Variants in CCNE1 observed in about 807,000 individuals in gnomAD.
The protein encoded by CCNE1 is G1/S-specific cyclin-E1.
In CCNE1, 8 loss-of-function variants were observed where a neutral mutation model predicts 54.1. The ratio of observed to expected loss-of-function variants is 0.15; its 90% CI spans 0.09 to 0.27. The LOEUF (loss-of-function observed/expected upper bound fraction) is 0.27. CCNE1 is among the 10% of genes least tolerant of loss of function. The pLI, the probability that CCNE1 is intolerant of heterozygous loss-of-function variation, is 1.00. For missense variants in CCNE1, 430 were observed against 514.9 expected, an observed-to-expected ratio of 0.84 and a Z score of 1.60; for synonymous variants, 179 against 185.2, an observed-to-expected ratio of 0.97 and a Z score of 0.27.
intron 4 of CCNE1, chr19:29,813,415 C>A: frequency 5.1e-6 from 1 of 197,344 alleles, no homozygotes; most frequent in East Asian, 1.1e-4. Context: ...TCGGCCTTGT[C>A]TGTAAAAGCT....
chr19:29,820,048 T>G (rs190860540), intron 6 of CCNE1, among the ~76,000 whole-genome samples: 1 of 152,372 alleles, frequency 6.6e-6, no homozygotes, highest in Admixed American at 6.5e-5. Context: ...TCACTACTCT[T>G]GCCCTGTGGG....
Position 29,821,480 on chromosome 19 carries a change from A to G in CCNE1, c.610-242A>G, listed in dbSNP as rs376378387. 4.8e-4 allele frequency among the ~76,000 whole-genome samples: 73 copies of G among 150,902 alleles called. No individual in the cohort carries two copies. In the East Asian group the frequency reaches 0.011, roughly 23 times the overall value. On this transcript the variant is annotated intron_variant, in intron 7 of 11. Transcript: ENST00000262643. ...GTGTTAAAGGTACTGAAAAGGGGATATTTCAAGAGTACCCACAATGAGTCA... is the reference window on the plus strand; with the variant it reads ...GTGTTAAAGGTACTGAAAAGGGGATGTTTCAAGAGTACCCACAATGAGTCA...
At chr19:29,817,788 TAA>T (rs1423665355) in intron 6 of CCNE1, among the ~76,000 whole-genome samples, 1 of 152,094 alleles carries the variant, frequency 6.6e-6, no homozygotes, top group African/African-American at 2.4e-5. Context: ...AAATAATTGT[TAA>T]GATTGTATTT....
rs748371908 is a variant in CCNE1, at chr19:29,813,050, G to A, written c.180+13G>A. The A allele has an allele frequency of 1.1e-5, 17 of 1,613,540 alleles. No homozygotes were observed. The highest frequency in any genetic ancestry group is 5.0e-5 in the Admixed American group (3 of 60,000). ...GTGTGGGAGCCAGGTAGGTCCGCCC[G>A]GGGTTGGGCCTCTGTGGAGGTCCTT... On this transcript the variant is annotated intron_variant, in intron 4 of 11. Coordinates refer to ENST00000262643, the MANE Select transcript of CCNE1 (RefSeq NM_001238.4).
In CCNE1 at chr19:29,822,178, G is replaced by A. The variant is rs369862490; in HGVS notation, c.840+48G>A. On this transcript the variant is annotated intron_variant, in intron 9 of 11. Coordinates refer to ENST00000262643, the MANE Select transcript of CCNE1 (RefSeq NM_001238.4). ...TGGGGCCACCTTCCCTGCAGCTGGA[G>A]TGAGGAACTCTAGAATAGGCGTGTG... is the stretch of plus-strand genomic sequence containing the variant. 6 of 1,612,004 alleles carry A rather than the reference G, an allele frequency of 3.7e-6. No individual in the cohort carries two copies. In the African/African-American group the frequency reaches 6.7e-5, roughly 18 times the overall value.
chr19:29,816,438 C>A (rs1415133874), intron 4 of CCNE1, among the ~76,000 whole-genome samples: 1 of 152,170 alleles, frequency 6.6e-6, no homozygotes, highest in African/African-American at 2.4e-5. Context: ...AATTACCCTG[C>A]AAGACTCAGG....
rs780825454 is a variant in CCNE1, at chr19:29,823,765, G to A, written c.1221G>A (p.Pro407=). ...GCGGTAAGAAGCAGAGCAGCGGGCC[G>A]GAAATGGCGTGACCACCCCATCCTT... ...PQSGKKQSSG[P]EMA The change falls in exon 12 of 12, where the codon CCG becomes CCA. Residue 407 remains proline, a synonymous_variant. Transcript: ENST00000262643. The A allele has an allele frequency of 6.2e-6, 10 of 1,612,134 alleles. No homozygotes were observed. The highest frequency in any genetic ancestry group is 1.7e-4 in the Middle Eastern group (1 of 6,038).
At chr19:29,817,970 C>T (rs1222903616) in intron 6 of CCNE1, among the ~76,000 whole-genome samples, 1 of 141,518 alleles carries the variant, frequency 7.1e-6, no homozygotes, top group Non-Finnish European at 1.5e-5. Flanking sequence ...AAGTGACTTT[C>T]CTGGCCTCAG....
chr19:29,818,369 CCAGGCTGGT>C (rs1329473749), intron 6 of CCNE1, among the ~76,000 whole-genome samples: 1 of 152,126 alleles, frequency 6.6e-6, no homozygotes, highest in Non-Finnish European at 1.5e-5. Flanking sequence ...ACCATGTTGG[CCAGGCTGGT>C]CTTGAACTCC....
At position 29,823,667 on chromosome 19, in the gene CCNE1, G is replaced by T; in HGVS notation, c.1123G>T (p.Ala375Ser). The change falls in exon 12 of 12, where the codon GCA becomes TCA. Residue 375 changes from alanine to serine, a missense_variant. Physicochemically the swap from Ala to Ser is moderately conservative, Grantham distance 99 (BLOSUM62 1). Around this residue, in one of 2 missense-constraint regions of CCNE1, gnomAD observed 303 missense variants for 401.1 expected, o/e 0.76. Coordinates refer to ENST00000262643, the MANE Select transcript of CCNE1 (RefSeq NM_001238.4). ...DSLDLLDKAR[A>S]KKAMLSEQNR... is the part of the protein sequence containing the mutation. ...TTCTTACCAACAGGACAAAGCCCGA[G>T]CAAAGAAAGCCATGTTGTCTGAACA... 1.2e-6 allele frequency: 2 copies of T among 1,614,026 alleles called. No homozygotes were observed. The highest frequency in any genetic ancestry group is 1.7e-6 in the Non-Finnish European group (2 of 1,179,930).
chr19:29,817,613 C>T, intron 6 of CCNE1, 72 bp downstream of exon 6: 4 of 1,526,466 alleles, frequency 2.6e-6, no homozygotes, highest in Admixed American at 1.7e-5. Flanking sequence ...ATTAGGACCT[C>T]TGTGTGGTTT....
chr19:29,818,726 T>C (rs576782228), intron 6 of CCNE1, among the ~76,000 whole-genome samples: 7 of 151,862 alleles, frequency 4.6e-5, no homozygotes, highest in African/African-American at 7.2e-5. Flanking sequence ...GCCCAGGAGT[T>C]AGAGACTAGC....
chr19:29,814,912 GACTGTT>G (rs1311910544), intron 4 of CCNE1, among the ~76,000 whole-genome samples: 1 of 152,142 alleles, frequency 6.6e-6, no homozygotes, highest in Admixed American at 6.5e-5. Context: ...TGGAATCCTG[GACTGTT>G]ACTTTTCAGA....
intron 6 of CCNE1, among the ~76,000 whole-genome samples, chr19:29,818,855 C>T (rs542095187): frequency 3.2e-4 from 48 of 152,058 alleles, no homozygotes; most frequent in Middle Eastern, 3.4e-3. Context: ...CTCTGCCTCC[C>T]GGGTTCAAGC....
Position 29,817,169 on chromosome 19 carries a change from C to T in CCNE1, c.213C>T (p.Pro71=), listed in dbSNP as rs373713583. The T allele has an allele frequency of 9.0e-5, 146 of 1,614,028 alleles. No homozygotes were observed. The highest frequency in any genetic ancestry group is 1.2e-4 in the Non-Finnish European group (140 of 1,180,036). ...ACAATAATGCAGTCTGTGCAGACCC[C>T]TGCTCCCTGATCCCCACACCTGACA... The part of the protein sequence containing the change: ...PWDNNAVCAD[P]CSLIPTPDKE... The change falls in exon 5 of 12, where the codon CCC becomes CCT. Residue 71 remains proline, a synonymous_variant. Coordinates refer to ENST00000262643, the MANE Select transcript of CCNE1 (RefSeq NM_001238.4).
intron 5 of CCNE1, 42 bp downstream of exon 5, chr19:29,817,324 C>A: frequency 1.2e-6 from 2 of 1,613,808 alleles, no homozygotes; most frequent in South Asian, 2.2e-5. Flanking sequence ...GTCTCTTACT[C>A]CATGCTCCCC....
intron 4 of CCNE1, among the ~76,000 whole-genome samples, chr19:29,816,928 T>C: frequency 6.6e-6 from 1 of 151,822 alleles, no homozygotes; most frequent in South Asian, 2.1e-4. Context: ...AGTTCTGTTT[T>C]ACTTTTAAGA....
rs1599594280 is a variant in CCNE1 at position 29,812,560 on chromosome 19, C to G, written c.5C>G (p.Pro2Arg). ...TCAGGCCGGAGCAGCCCCATCATGC[C>G]GAGGGAGCGCAGGGAGCGGTGAGTG... M[P>R]RERRERDAKE... Residue 2 changes from proline to arginine, a missense_variant, in exon 2 of 12, where the codon CCG (proline) becomes CGG (arginine). Pro to Arg is a moderately radical substitution (Grantham distance 103). Coordinates refer to ENST00000262643, the MANE Select transcript of CCNE1 (RefSeq NM_001238.4). The G allele has an allele frequency of 6.6e-7, 1 of 1,508,446 alleles. No homozygotes were observed. The highest frequency in any genetic ancestry group is 8.8e-7 in the Non-Finnish European group (1 of 1,133,090). The allele number at this position is 1,508,446 out of a possible 1,614,324, so 93.4% of individuals were successfully genotyped here.
chr19:29,814,182 GTT>G (rs200966424), intron 4 of CCNE1, among the ~76,000 whole-genome samples: 3 of 149,722 alleles, frequency 2.0e-5, no homozygotes, highest in African/African-American at 4.9e-5. Flanking sequence ...CATATCCCCA[GTT>G]TTTTTTTTCT....
Sources: allele counts gnomAD v4.1 joint callset (sites outside exome capture counted in the v4.1 genomes callset), GRCh38; gene constraint gnomAD v4.1.1; regional missense constraint gnomAD v4.1.1; transcripts MANE v1.5; gene names NCBI Gene and HGNC (gene_info 2026-07-23, HGNC 2026-07-21).